Variants in AFTPH observed in about 807,000 individuals in gnomAD.
AFTPH encodes aftiphilin.
AFTPH carries 7 observed loss-of-function variants against 72.5 expected under a neutral mutation model. That is an observed-to-expected ratio of 0.10 (90% CI 0.05 to 0.18). AFTPH has a LOEUF of 0.18. Ranked by LOEUF, AFTPH falls within the 10% of genes least tolerant of loss-of-function variation. The pLI is 1.00. For missense variants in AFTPH, 979 were observed against 1,060.5 expected (o/e 0.92, Z 1.07); for synonymous variants, 337 against 370.1 (o/e 0.91, Z 1.03).
At chr2:64,572,696 ATAAAATT>A (rs1208273102) in intron 5 of AFTPH, among the ~76,000 whole-genome samples, 5 of 152,130 alleles carry the variant, frequency 3.3e-5, no homozygotes, top group Non-Finnish European at 7.3e-5. Flanking sequence ...TTTTCAGTAA[ATAAAATT>A]TAAGAATAGC....
chr2:64,586,664 TTG>T (rs1475340680), intron 8 of AFTPH, among the ~76,000 whole-genome samples: 2 of 152,248 alleles, frequency 1.3e-5, no homozygotes, highest in Non-Finnish European at 2.9e-5. Context: ...ATGTAAATCC[TTG>T]TTTGTCTGCC....
At chr2:64,572,907 C>T (rs1672532267) in intron 5 of AFTPH, 39 bp from the exon 6 acceptor site, 1 of 1,610,440 alleles carries the variant, frequency 6.2e-7, no homozygotes. Flanking sequence ...ATGGGCTGTG[C>T]ACCCCCATCC....
intron 2 of AFTPH, among the ~76,000 whole-genome samples, chr2:64,558,088 A>G (rs1326244813): frequency 6.6e-6 from 1 of 152,186 alleles, no homozygotes; most frequent in East Asian, 1.9e-4. Flanking sequence ...TCTTAAATGG[A>G]AGATTAAATT....
intron 2 of AFTPH, among the ~76,000 whole-genome samples, chr2:64,563,800 G>T (rs1671883116): frequency 6.6e-6 from 1 of 152,052 alleles, no homozygotes. Context: ...TAGAGACACG[G>T]TTTCACAATG....
chr2:64,524,502 G>C (rs768035390), exon 1 of AFTPH: 1 of 400,010 alleles, frequency 2.5e-6, no homozygotes, highest in African/African-American at 2.1e-5. Context: ...GTGAGCAGCC[G>C]GCCTTCCGCT....
chr2:64,553,543 G>A, intron 2 of AFTPH, 134 bp downstream of exon 2: 1 of 958,968 alleles, frequency 1.0e-6, no homozygotes, highest in Non-Finnish European at 1.4e-6. Flanking sequence ...ATGCCTGTCT[G>A]ATTTGTGGGT....
intron 3 of AFTPH, 96 bp from the exon 4 acceptor site, chr2:64,568,996 G>A: frequency 7.5e-7 from 1 of 1,327,380 alleles, no homozygotes; most frequent in Non-Finnish European, 1.1e-6. Flanking sequence ...AAGAGTAAAT[G>A]GAATGTGTGT....
intron 1 of AFTPH, among the ~76,000 whole-genome samples, chr2:64,531,630 G>T (rs1382152964): frequency 1.3e-5 from 2 of 152,188 alleles, no homozygotes; most frequent in African/African-American, 4.8e-5. Flanking sequence ...GTAGCCACTA[G>T]CCAAATGTGT....
At chr2:64,591,860 C>T in intron 8 of AFTPH, 28 bp from the exon 10 acceptor site, 4 of 1,612,400 alleles carry the variant, frequency 2.5e-6, no homozygotes, top group Non-Finnish European at 3.4e-6. Context: ...CACATTAACA[C>T]ACTTGTCTTT....
In AFTPH at chr2:64,551,527, A is replaced by G. The variant is rs184801562; in HGVS notation, c.53A>G (p.Asn18Ser). The change falls in exon 2 of 9, where the codon AAT becomes AGT. Residue 18 changes from asparagine to serine, a missense_variant. Asn to Ser is a conservative substitution (Grantham distance 46). Transcript: ENST00000238856. ...TCTTCATCCCCACCACCATTAGACA[A>G]TGGAGCAGAGGATGATGATGATGAT... 38 of 1,614,036 alleles carry G rather than the reference A, an allele frequency of 2.4e-5. No homozygotes were observed. The highest frequency in any genetic ancestry group is 8.0e-5 in the African/African-American group (6 of 75,024).
intron 1 of AFTPH, among the ~76,000 whole-genome samples, chr2:64,542,740 G>T (rs1410953395): frequency 1.3e-5 from 2 of 152,006 alleles, no homozygotes; most frequent in African/African-American, 4.8e-5. Flanking sequence ...CTTTAGTGTG[G>T]TTATGCATAT....
chr2:64,540,194 G>A (rs963351161), intron 1 of AFTPH, among the ~76,000 whole-genome samples: 3 of 152,136 alleles, frequency 2.0e-5, no homozygotes, highest in African/African-American at 7.2e-5. Flanking sequence ...GAGAATTAGA[G>A]TGACTAATTT....
At chr2:64,532,022 C>T (rs996183570) in intron 1 of AFTPH, among the ~76,000 whole-genome samples, 1 of 152,276 alleles carries the variant, frequency 6.6e-6, no homozygotes, top group Admixed American at 6.5e-5. Flanking sequence ...GGTAATTTTT[C>T]AAGTTACAAG....
intron 1 of AFTPH, among the ~76,000 whole-genome samples, chr2:64,543,511 C>G (rs1670382325): frequency 6.6e-6 from 1 of 152,204 alleles, no homozygotes; most frequent in Non-Finnish European, 1.5e-5. Context: ...CTTCACCTTT[C>G]ACATGTAGGC....
intron 2 of AFTPH, among the ~76,000 whole-genome samples, chr2:64,564,106 T>C (rs545386196): frequency 1.7e-3 from 266 of 152,274 alleles, no homozygotes; most frequent in African/African-American, 5.8e-3. Context: ...TACTTTTTTT[T>C]CCCCCAACTC....
intron 1 of AFTPH, among the ~76,000 whole-genome samples, chr2:64,531,917 C>T (rs1669651007): frequency 6.6e-6 from 1 of 152,134 alleles, no homozygotes; most frequent in African/African-American, 2.4e-5. Context: ...ATAAGATTAA[C>T]TTAACTCTTA....
At chr2:64,573,106 T>A (rs1193650514) in intron 6 of AFTPH, 38 bp downstream of exon 6, 11 of 1,485,074 alleles carry the variant, frequency 7.4e-6, no homozygotes, top group Non-Finnish European at 1.0e-5. Context: ...TGTTTATGCG[T>A]GTATATACAC....
At chr2:64,573,665 CTTT>C (rs1004539551) in intron 6 of AFTPH, among the ~76,000 whole-genome samples, 1 of 150,246 alleles carries the variant, frequency 6.7e-6, no homozygotes. Flanking sequence ...ATAGAAAACT[CTTT>C]TTTTTTGGAG....
intron 1 of AFTPH, among the ~76,000 whole-genome samples, chr2:64,527,594 GAAATT>G (rs529030068): frequency 3.5e-4 from 50 of 142,330 alleles, no homozygotes; most frequent in Non-Finnish European, 6.3e-4. Context: ...AAAAAAAAAA[GAAATT>G]AAAAGTTTAG....
Sources: gnomAD v4.1 joint callset for allele counts (sites outside exome capture counted in the v4.1 genomes callset) on GRCh38, gnomAD v4.1.1 for gene constraint, MANE v1.5 for transcripts, NCBI Gene and HGNC (gene_info 2026-07-23, HGNC 2026-07-21) for gene names.